EPB41L3: variants seen among roughly 807,000 people sequenced by gnomAD.
EPB41L3 encodes erythrocyte membrane protein band 4.1 like 3.
In EPB41L3, 57 loss-of-function variants were observed where a neutral mutation model predicts 127.1. The observed-to-expected ratio is 0.45, with a 90% CI of 0.36 to 0.56. EPB41L3 has a LOEUF of 0.56. Ranked by LOEUF, EPB41L3 falls within the 20% of genes least tolerant of loss-of-function variation. The probability of loss-of-function intolerance (pLI) is 0.00; values close to 1 mark genes in which losing one functional copy is unlikely to be tolerated. For missense variants in EPB41L3, 1,273 were observed against 1,372.2 expected (o/e 0.93, Z 1.14); for synonymous variants, 572 against 549.5 (o/e 1.04, Z -0.57).
At chr18:5,535,053 G>C (rs988646177) in intron 1 of EPB41L3, among the ~76,000 whole-genome samples, 1 of 152,180 alleles carries the variant, frequency 6.6e-6, no homozygotes, top group Non-Finnish European at 1.5e-5. Context: ...TGTCAGATCA[G>C]AAGTGGCATT....
intron 14 of EPB41L3, among the ~76,000 whole-genome samples, chr18:5,409,511 T>C (rs1031641659): frequency 6.6e-6 from 1 of 152,150 alleles, no homozygotes; most frequent in African/African-American, 2.4e-5. Flanking sequence ...TTTAACAATA[T>C]CATCTTTAAT....
chr18:5,475,749 C>G (rs184955419), intron 3 of EPB41L3, among the ~76,000 whole-genome samples: 1 of 152,198 alleles, frequency 6.6e-6, no homozygotes, highest in East Asian at 1.9e-4. Flanking sequence ...TTTGCTTCAG[C>G]GTCCCACACT....
chr18:5,582,060 T>C (rs565778590), intron 3 of EPB41L3, among the ~76,000 whole-genome samples: 68 of 152,322 alleles, frequency 4.5e-4, no homozygotes, highest in Non-Finnish European at 7.8e-4. Flanking sequence ...AAAAGGAACA[T>C]AAATAAAGGT....
At chr18:5,457,061 A>C (rs1056389811) in intron 3 of EPB41L3, among the ~76,000 whole-genome samples, 11 of 152,234 alleles carry the variant, frequency 7.2e-5, no homozygotes, top group Non-Finnish European at 1.6e-4. Context: ...CAATCTGTAA[A>C]ACATATGAGT....
intron 8 of EPB41L3, 78 bp downstream of exon 8, chr18:5,433,391 A>C: frequency 9.6e-7 from 1 of 1,042,520 alleles, no homozygotes; most frequent in Non-Finnish European, 1.4e-6. Context: ...CTGAAGTAAA[A>C]ATCACCAGCT....
chr18:5,493,272 C>G (rs2090807034), intron 1 of EPB41L3, among the ~76,000 whole-genome samples: 1 of 152,192 alleles, frequency 6.6e-6, no homozygotes, highest in African/African-American at 2.4e-5. Context: ...ATATAAATTT[C>G]TGTCATTTAT....
At chr18:5,411,254 T>A (rs1262351677) in intron 13 of EPB41L3, among the ~76,000 whole-genome samples, 3 of 152,218 alleles carry the variant, frequency 2.0e-5, no homozygotes, top group Admixed American at 1.3e-4. Context: ...AACTAGGTAT[T>A]TTTTAAGACT....
At position 5,489,037 on chromosome 18, in the gene EPB41L3, G is replaced by A. The variant is rs1007725206; in HGVS notation, c.147C>T (p.Ala49=). 2 of 1,591,690 alleles carry A rather than the reference G, an allele frequency of 1.3e-6. No individual in the cohort carries two copies. Among genetic ancestry groups the A allele is most frequent in the East Asian group, 2.3e-5 (1 of 43,714 alleles). The part of the protein sequence containing the change: ...EEQQQALEQF[A]AAAAHSTPVR... Reference sequence around the variant, plus strand: ...CCGGGGTGCTGTGCGCTGCAGCGGCGGCGAACTGCTCCAGGGCCTGCTGCT... The same window carrying A: ...CCGGGGTGCTGTGCGCTGCAGCGGCAGCGAACTGCTCCAGGGCCTGCTGCT... Residue 49 remains alanine (A), a synonymous_variant, in exon 2 of 23, where the codon GCC becomes GCT. Coordinates refer to ENST00000341928, the MANE Select transcript of EPB41L3 (RefSeq NM_012307.5).
At chr18:5,498,939 T>G (rs758733716) in intron 1 of EPB41L3, among the ~76,000 whole-genome samples, 2 of 152,238 alleles carry the variant, frequency 1.3e-5, no homozygotes, top group African/African-American at 2.4e-5. Flanking sequence ...TAAACAAATC[T>G]GATCATATCC....
intron 1 of EPB41L3, among the ~76,000 whole-genome samples, chr18:5,519,216 G>A (rs745829813): frequency 7.9e-5 from 12 of 152,134 alleles, no homozygotes; most frequent in East Asian, 1.9e-4. Flanking sequence ...CCTTGTTGCC[G>A]GGTACTGCAT....
rs1176032972 is a variant in EPB41L3 at position 5,416,395 on chromosome 18, A to T, written c.1507-17T>A. On this transcript the variant is annotated splice_polypyrimidine_tract_variant and intron_variant, in intron 12 of 22. Coordinates refer to ENST00000341928, the MANE Select transcript of EPB41L3 (RefSeq NM_012307.5). The stretch of plus-strand genomic sequence containing the variant: ...CCCAGGTGACTGATGTGAAAGAGAC[A>T]GAAAGAGACAGAAAGCAGCAAACAG... 1 of 1,588,000 alleles carries T rather than the reference A, an allele frequency of 6.3e-7. No homozygotes were observed. The highest frequency in any genetic ancestry group is 8.6e-7 in the Non-Finnish European group (1 of 1,165,600).
intron 2 of EPB41L3, among the ~76,000 whole-genome samples, chr18:5,485,019 G>C (rs1041958352): frequency 6.6e-6 from 1 of 150,966 alleles, no homozygotes; most frequent in African/African-American, 2.4e-5. Flanking sequence ...ACCAAAAGCA[G>C]ACAAAGATAC....
intron 1 of EPB41L3, among the ~76,000 whole-genome samples, chr18:5,526,801 A>C (rs1405460275): frequency 6.6e-6 from 1 of 152,236 alleles, no homozygotes; most frequent in Non-Finnish European, 1.5e-5. Context: ...AATTTCCTAC[A>C]GTGGTCCAAA....
intron 3 of EPB41L3, among the ~76,000 whole-genome samples, chr18:5,602,944 C>T (rs900101207): frequency 2.0e-5 from 3 of 152,186 alleles, no homozygotes; most frequent in Non-Finnish European, 4.4e-5. Context: ...GAAAGAACTT[C>T]ATGAATCAAT....
At chr18:5,545,873 C>CTGTGTGTGTG (rs36213569), upstream of EPB41L3, among the ~76,000 whole-genome samples, 12 of 146,866 alleles carry the variant, frequency 8.2e-5, no homozygotes, top group Non-Finnish European at 1.2e-4. Context: ...CTGTATGACT[C>CTGTGTGTGTG]TGTGTGTGTG....
chr18:5,538,422 G>T (rs2093631913), intron 1 of EPB41L3, among the ~76,000 whole-genome samples: 2 of 152,128 alleles, frequency 1.3e-5, no homozygotes, highest in South Asian at 4.1e-4. Context: ...CTGCAACATG[G>T]CTGAGAGCCA....
chr18:5,559,457 A>T (rs2149194161), intron 3 of EPB41L3, among the ~76,000 whole-genome samples: 1 of 152,348 alleles, frequency 6.6e-6, no homozygotes, highest in East Asian at 1.9e-4. Flanking sequence ...TGCTAAAGGC[A>T]GAGCGTCATA....
At position 5,537,911 on chromosome 18, in the gene EPB41L3, T is replaced by C. The variant is rs900284696; in HGVS notation, c.-12+6002A>G. 5.3e-5 allele frequency among the ~76,000 whole-genome samples: 8 copies of C among 152,174 alleles called. 1 individual carries two copies. The highest frequency in any genetic ancestry group is 1.9e-4 in the African/African-American group (8 of 41,442). ...TAATACATAGAAAAACAATCACTGA[T>C]ACACAGAATGGACAGTGTAAAATAA... On this transcript the variant is annotated intron_variant, in intron 1 of 22. Coordinates refer to ENST00000341928, the MANE Select transcript of EPB41L3 (RefSeq NM_012307.5).
chr18:5,517,690 G>C (rs530851004), intron 1 of EPB41L3, among the ~76,000 whole-genome samples: 1 of 151,974 alleles, frequency 6.6e-6, no homozygotes, highest in South Asian at 2.1e-4. Flanking sequence ...TTCCTCCCTC[G>C]ACCTCCCAAA....
Sources: allele counts gnomAD v4.1 joint callset (sites outside exome capture counted in the v4.1 genomes callset), GRCh38; gene constraint gnomAD v4.1.1; transcripts MANE v1.5; gene names NCBI Gene and HGNC (gene_info 2026-07-23, HGNC 2026-07-21).